The following ADGB variants were observed in gnomAD, a reference collection of about 807,000 sequenced individuals.
ADGB encodes the protein calpain-7-like protein.
Under a neutral mutation model 210.5 loss-of-function variants are expected in ADGB, and 172 were observed. The observed-to-expected ratio is 0.82, with a 90% CI of 0.72 to 0.93. ADGB has a LOEUF of 0.93. Among genes scored for constraint, ADGB ranks in the 40% least tolerant of loss-of-function variants. ADGB has a pLI of 0.00. For synonymous variants in ADGB, 658 were observed against 662.7 expected (o/e 0.99, Z 0.11); for missense variants, 2,025 against 1,964.8 (o/e 1.03, Z -0.58).
chr6:146,733,402 C>G (rs1777032027), intron 21 of ADGB, 147 bp downstream of exon 21: 1 of 750,978 alleles, frequency 1.3e-6, no homozygotes, highest in South Asian at 3.1e-5. Flanking sequence ...TCAAGGGGCT[C>G]CAAGGACCTG....
intron 35 of ADGB, chr6:146,807,559 A>AG (rs1778231437): frequency 6.5e-7 from 1 of 1,539,072 alleles, no homozygotes; most frequent in Non-Finnish European, 8.7e-7. Context: ...CCTGACACAC[A>AG]GAAAAAAAAG....
In ADGB at chr6:146,740,451, A is replaced by G. The variant is rs762838396; in HGVS notation, c.2889-8A>G. ...CCATTGATACATAATTTATTTTTAT[A>G]TTTCTAGACTAATGTTTAAAAGCAA... is the stretch of plus-strand genomic sequence containing the variant. On this transcript the variant is annotated splice_region_variant and splice_polypyrimidine_tract_variant and intron_variant, in intron 23 of 35. Transcript: ENST00000397944. 3.3e-6 allele frequency: 5 copies of G among 1,514,114 alleles called. No homozygotes were observed. The African/African-American group carries it at 4.2e-5, about 13-fold the overall frequency. The allele number at this position is 1,514,114 out of a possible 1,614,324, so 93.8% of individuals were successfully genotyped here.
chr6:146,628,567 C>T (rs1197444334), intron 1 of ADGB, among the ~76,000 whole-genome samples: 1 of 151,902 alleles, frequency 6.6e-6, no homozygotes, highest in Non-Finnish European at 1.5e-5. Flanking sequence ...CTTATTTCCT[C>T]TTCCCTGCAT....
At position 146,801,212 on chromosome 6, in the gene ADGB, AT is replaced by A; in HGVS notation, c.4571del (p.Leu1524TrpfsTer12). 1.3e-6 allele frequency: 2 copies of A among 1,508,374 alleles called. No homozygotes were observed. Among genetic ancestry groups the A allele is most frequent in the African/African-American group, 1.4e-5 (1 of 70,692 alleles). 93.4% of individuals were successfully genotyped at this position (1,508,374 alleles called of 1,614,324 possible). ...QTGPRTRSPT[I>X]LETSPRLIRK... ...AGGACCTCGTACACGATCTCCAACA[AT>A]TTTGGAAACATCTCCACGACTTATT... is the stretch of plus-strand genomic sequence containing the variant. On this transcript the variant is annotated frameshift_variant, in exon 34 of 36. Transcript: ENST00000397944. LOFTEE classifies it high-confidence loss of function.
In ADGB at chr6:146,750,461, C is replaced by T. The variant is rs144718349; in HGVS notation, c.3366-2069C>T. On this transcript the variant is annotated intron_variant, in intron 26 of 35. Transcript: ENST00000397944. ...TAGTCCCAGCTATATTGGAGTCTGA[C>T]GCGGAAATATCACTTGAGCCCAGGA... 2.4e-3 allele frequency among the ~76,000 whole-genome samples: 365 copies of T among 151,964 alleles called. 3 individuals carry two copies. The highest frequency in any genetic ancestry group is 8.3e-3 in the African/African-American group (345 of 41,470).
chr6:146,689,637 T>C (rs1776275504), intron 10 of ADGB, among the ~76,000 whole-genome samples: 1 of 152,154 alleles, frequency 6.6e-6, no homozygotes, highest in African/African-American at 2.4e-5. Context: ...TTATGACTAG[T>C]AAAGTATCTG....
At chr6:146,721,288 A>G (rs1041866225) in intron 16 of ADGB, 115 bp from the exon 17 acceptor site, 6 of 679,082 alleles carry the variant, frequency 8.8e-6, no homozygotes, top group African/African-American at 7.2e-5. Context: ...TGTGGTGCCT[A>G]CAACACAGTA....
At chr6:146,615,139 C>T (rs1780778638) in intron 1 of ADGB, among the ~76,000 whole-genome samples, 1 of 151,988 alleles carries the variant, frequency 6.6e-6, no homozygotes, top group Non-Finnish European at 1.5e-5. Context: ...ATCTCCTGAC[C>T]TCGTGATCCC....
chr6:146,748,652 C>CA (rs1345515386), intron 26 of ADGB, among the ~76,000 whole-genome samples: 1 of 152,172 alleles, frequency 6.6e-6, no homozygotes, highest in Non-Finnish European at 1.5e-5. Flanking sequence ...GTGGTGCAAT[C>CA]ATGGCTCACT....
chr6:146,654,989 A>G (rs939957777), intron 4 of ADGB, among the ~76,000 whole-genome samples: 2 of 151,894 alleles, frequency 1.3e-5, no homozygotes, highest in Admixed American at 1.3e-4. Context: ...CCTGGTAACC[A>G]CCGTTTCTCT....
At chr6:146,602,451 C>T (rs1057420128) in intron 1 of ADGB, among the ~76,000 whole-genome samples, 10 of 152,188 alleles carry the variant, frequency 6.6e-5, no homozygotes, top group African/African-American at 2.4e-4. Flanking sequence ...TTTAACATAA[C>T]AATTTTTAAC....
chr6:146,656,939 T>C lies in ADGB; in HGVS notation c.571T>C (p.Phe191Leu). 6.4e-7 allele frequency: 1 copy of C among 1,551,626 alleles called. No homozygotes were observed. The highest frequency in any genetic ancestry group is 8.7e-7 in the Non-Finnish European group (1 of 1,146,890). The change falls in exon 5 of 36, where the codon TTC (phenylalanine) becomes CTC (leucine). Residue 191 changes from phenylalanine (F) to leucine (L), a missense_variant. Coordinates refer to ENST00000397944, the MANE Select transcript of ADGB (RefSeq NM_024694.4). ...GGCTGTGAAGGGTCATATGCCTTTG[T>C]TCAATAGCTATGGAAAGTATGTTGT... ...CKAVKGHMPL[F>L]NSYGKYVVKL...
chr6:146,726,235 AT>A (rs1776893383), intron 19 of ADGB, 38 bp downstream of exon 19: 2 of 1,398,042 alleles, frequency 1.4e-6, no homozygotes, highest in Non-Finnish European at 2.0e-6. Context: ...TTATTTATTT[AT>A]TTAGAGATGG....
chr6:146,627,565 T>A (rs9497584), intron 1 of ADGB, among the ~76,000 whole-genome samples: 28,840 of 152,060 alleles, frequency 0.19, 2,931 homozygotes, highest in East Asian at 0.24. Context: ...AGCAAGATAC[T>A]TTTCCCAGTA....
chr6:146,654,318 T>G, intron 4 of ADGB, 112 bp downstream of exon 4: 2 of 429,478 alleles, frequency 4.7e-6, no homozygotes, highest in Non-Finnish European at 7.6e-6. Flanking sequence ...TAAGTTTTGG[T>G]ATTATATATA....
At chr6:146,689,152 A>G (rs929261769) in intron 10 of ADGB, among the ~76,000 whole-genome samples, 3 of 152,168 alleles carry the variant, frequency 2.0e-5, no homozygotes, top group African/African-American at 7.2e-5. Context: ...AAAGGGTCTT[A>G]GGAAAGGAAA....
At chr6:146,727,475 A>G (rs10457806) in intron 19 of ADGB, among the ~76,000 whole-genome samples, 29,308 of 152,118 alleles carry the variant, frequency 0.19, 3,430 homozygotes, top group Middle Eastern at 0.3. Context: ...TGCTTATTTC[A>G]AGTTGTCTTT....
At chr6:146,667,438 C>T (rs566333863) in intron 7 of ADGB, among the ~76,000 whole-genome samples, 22 of 152,032 alleles carry the variant, frequency 1.4e-4, no homozygotes, top group Admixed American at 3.3e-4. Flanking sequence ...GGCAGGATAC[C>T]TCTTGGTTTT....
intron 8 of ADGB, among the ~76,000 whole-genome samples, chr6:146,673,978 A>T (rs901559205): frequency 6.6e-6 from 1 of 152,210 alleles, no homozygotes; most frequent in Admixed American, 6.6e-5. Context: ...GTACAAAATG[A>T]CGAGCTGCTG....
Sources: gnomAD v4.1 joint callset for allele counts (sites outside exome capture counted in the v4.1 genomes callset) on GRCh38, gnomAD v4.1.1 for gene constraint, MANE v1.5 for transcripts, NCBI Gene and HGNC (gene_info 2026-07-23, HGNC 2026-07-21) for gene names.